The following NBAS variants were observed in gnomAD, a reference collection of about 807,000 sequenced individuals.
NBAS encodes the protein NBAS subunit of NRZ tethering complex, also known as NAG/BC035112 fusion.
Under a neutral mutation model 302.5 loss-of-function variants are expected in NBAS, and 219 were observed. That is an observed-to-expected ratio of 0.72 (90% confidence interval 0.65 to 0.81). The LOEUF (loss-of-function observed/expected upper bound fraction) is 0.81, where lower values mean the gene tolerates loss of function less well. NBAS is among the 30% of genes least tolerant of loss of function. The pLI is 0.00. For missense variants in NBAS, 2,932 were observed against 2,841.6 expected (o/e 1.03, Z -0.72); for synonymous variants, 1,118 against 1,021.6 (o/e 1.09, Z -1.80).
intron 35 of NBAS, among the ~76,000 whole-genome samples, chr2:15,338,676 C>T (rs1333367916): frequency 1.8e-5 from 2 of 111,866 alleles, no homozygotes; most frequent in East Asian, 6.4e-4. Flanking sequence ...CACACACATA[C>T]ACACACACAC....
intron 44 of NBAS, among the ~76,000 whole-genome samples, chr2:15,263,323 G>A (rs530366011): frequency 1.3e-5 from 2 of 152,194 alleles, no homozygotes; most frequent in South Asian, 4.2e-4. Flanking sequence ...TGAACTCCTG[G>A]CCTCAAGCAA....
intron 21 of NBAS, among the ~76,000 whole-genome samples, chr2:15,443,503 C>G (rs1457484260): frequency 6.6e-6 from 1 of 151,650 alleles, no homozygotes; most frequent in Non-Finnish European, 1.5e-5. Flanking sequence ...GGACGTATCT[C>G]AAAATAATAA....
intron 23 of NBAS, among the ~76,000 whole-genome samples, chr2:15,418,647 G>A (rs1337536553): frequency 6.6e-6 from 1 of 152,164 alleles, no homozygotes; most frequent in East Asian, 1.9e-4. Flanking sequence ...TCCCAGAGGA[G>A]GGAACACTTA....
chr2:15,024,156 T>C, the NBAS span, among the ~76,000 whole-genome samples: 2 of 152,048 alleles, frequency 1.3e-5, no homozygotes, highest in Non-Finnish European at 2.9e-5. Context: ...TCAGTGTCTG[T>C]TGTTCACCTC....
At chr2:15,372,416 T>C (rs1316451921) in intron 31 of NBAS, among the ~76,000 whole-genome samples, 2 of 152,214 alleles carry the variant, frequency 1.3e-5, no homozygotes, top group African/African-American at 2.4e-5. Context: ...TCCTGGAGTG[T>C]AGGCAAAGAA....
chr2:15,109,398 G>T, the NBAS span, among the ~76,000 whole-genome samples: 1 of 152,124 alleles, frequency 6.6e-6, no homozygotes, highest in African/African-American at 2.4e-5. Flanking sequence ...AGTAACTGAG[G>T]ATAACAATCT....
At chr2:15,507,017 T>C (rs1368482004) in intron 10 of NBAS, among the ~76,000 whole-genome samples, 1 of 152,124 alleles carries the variant, frequency 6.6e-6, no homozygotes, top group Admixed American at 6.5e-5. Context: ...TCTTGAGCAT[T>C]GTAAGGAAAG....
Position 15,167,029 on chromosome 2 carries a change from G to T in NBAS, c.*19C>A. 6.6e-7 allele frequency: 1 copy of T among 1,517,176 alleles called. No individual in the cohort carries two copies. Among genetic ancestry groups the T allele is most frequent in the Non-Finnish European group, 8.8e-7 (1 of 1,131,822 alleles). 94.0% of individuals were successfully genotyped at this position (1,517,176 alleles called of 1,614,324 possible). On this transcript the variant is annotated 3_prime_UTR_variant, in exon 52 of 52. Transcript: ENST00000281513. ...CTCCAGATGCTTTTTCTGCTAAGGAGCAGGGCCACAGGTGGCCCTCACACC... is the reference window on the plus strand; with the variant it reads ...CTCCAGATGCTTTTTCTGCTAAGGATCAGGGCCACAGGTGGCCCTCACACC...
chr2:14,824,798 A>G, the NBAS span, among the ~76,000 whole-genome samples: 1 of 152,144 alleles, frequency 6.6e-6, no homozygotes, highest in African/African-American at 2.4e-5. Context: ...ACCTGAGTTC[A>G]TGTTCTATGA....
At chr2:15,107,594 G>A in the NBAS span, among the ~76,000 whole-genome samples, 1 of 151,982 alleles carries the variant, frequency 6.6e-6, no homozygotes, top group Non-Finnish European at 1.5e-5. Context: ...TGTCCTCCTT[G>A]GGCACAAACC....
chr2:14,783,068 A>G, the NBAS span, among the ~76,000 whole-genome samples: 1 of 152,164 alleles, frequency 6.6e-6, no homozygotes, highest in African/African-American at 2.4e-5. Context: ...AGAAAAGTTT[A>G]CCTATATAAC....
intron 12 of NBAS, among the ~76,000 whole-genome samples, chr2:15,482,870 A>G (rs1448146607): frequency 2.6e-5 from 4 of 152,088 alleles, no homozygotes; most frequent in African/African-American, 7.2e-5. Flanking sequence ...TTGTTATAGG[A>G]CTGTCAGCTG....
intron 21 of NBAS, among the ~76,000 whole-genome samples, chr2:15,444,415 A>G (rs972633145): frequency 3.9e-5 from 6 of 152,196 alleles, no homozygotes; most frequent in African/African-American, 1.2e-4. Context: ...AGGATTCCCT[A>G]TTTAATAAAT....
chr2:15,297,901 C>T (rs1272311254), intron 40 of NBAS, among the ~76,000 whole-genome samples: 3 of 152,030 alleles, frequency 2.0e-5, no homozygotes, highest in African/African-American at 7.2e-5. Flanking sequence ...AATATAAACA[C>T]CCATTAGGTT....
At chr2:15,238,421 G>C (rs199683818) in intron 45 of NBAS, 47 bp downstream of exon 45, 1 of 1,563,976 alleles carries the variant, frequency 6.4e-7, no homozygotes, top group Non-Finnish European at 8.8e-7. Context: ...AAAAAAGAAA[G>C]AATATACTGA....
At chr2:15,261,522 T>A (rs1162896276) in intron 44 of NBAS, among the ~76,000 whole-genome samples, 3 of 152,180 alleles carry the variant, frequency 2.0e-5, no homozygotes, top group Non-Finnish European at 4.4e-5. Context: ...TAAAAGTGAG[T>A]AATGCAGGGT....
At chr2:15,397,635 C>G in intron 26 of NBAS, 1 of 577,162 alleles carries the variant, frequency 1.7e-6, no homozygotes, top group Admixed American at 2.0e-5. Context: ...ATGTTCCTGA[C>G]TGCTGTGGCC....
At chr2:15,322,210 G>A (rs56762409) in intron 38 of NBAS, among the ~76,000 whole-genome samples, 4,054 of 148,998 alleles carry the variant, frequency 0.027, 170 homozygotes, top group African/African-American at 0.094. Flanking sequence ...GACACAGGGC[G>A]GGGAACATCA....
At chr2:14,793,910 G>A in the NBAS span, among the ~76,000 whole-genome samples, 2 of 151,924 alleles carry the variant, frequency 1.3e-5, no homozygotes, top group Non-Finnish European at 2.9e-5. Flanking sequence ...TATTTTACGA[G>A]TACCGTGAAA....
Sources: gnomAD v4.1 joint callset for allele counts (sites outside exome capture counted in the v4.1 genomes callset) on GRCh38, gnomAD v4.1.1 for gene constraint, MANE v1.5 for transcripts, NCBI Gene and HGNC (gene_info 2026-07-23, HGNC 2026-07-21) for gene names.